Variants in ADK observed in about 807,000 individuals in gnomAD.
ADK encodes the protein adenosine kinase.
ADK carries 24 observed loss-of-function variants against 44.7 expected under a neutral mutation model. That is an observed-to-expected ratio of 0.54 (90% CI 0.39 to 0.76). ADK has a LOEUF of 0.76. Among genes scored for constraint, ADK ranks in the 30% least tolerant of loss-of-function variants. ADK has a pLI of 0.00. For synonymous variants in ADK, 128 were observed against 142.6 expected, an observed-to-expected ratio of 0.90 and a Z score of 0.73; for missense variants, 321 against 425.1, an observed-to-expected ratio of 0.76 and a Z score of 2.15.
rs182394037 is a variant in ADK, at chr10:74,573,283, G to T, written c.727-15999G>T. ...TAGAGGTCCACTCCAGACCCTGTTT[G>T]CCTGGGTATCAGCAGCGGTGGCTGC... On this transcript the variant is annotated intron_variant, in intron 7 of 10. Transcript: ENST00000539909. Among the ~76,000 whole-genome samples the T allele has an allele frequency of 9.6e-3, 1,459 of 152,296 alleles. 17 individuals are homozygous for T. Among genetic ancestry groups the T allele is most frequent in the South Asian group, 0.018 (89 of 4,826 alleles).
intron 9 of ADK, among the ~76,000 whole-genome samples, chr10:74,602,105 CAAAAAAAAAAAAA>C (rs58400071): frequency 6.1e-5 from 3 of 48,788 alleles, no homozygotes; most frequent in Admixed American, 5.6e-4. Context: ...ACCCTGTCTC[CAAAAAAAAAAAAA>C]AAAAAAAAAA....
intron 9 of ADK, among the ~76,000 whole-genome samples, chr10:74,666,589 A>C (rs1361031066): frequency 6.6e-6 from 1 of 152,180 alleles, no homozygotes; most frequent in Non-Finnish European, 1.5e-5. Context: ...TTTTTCTACA[A>C]TTAGTGCAGA....
intron 3 of ADK, among the ~76,000 whole-genome samples, chr10:74,295,357 G>A (rs1839775147): frequency 6.6e-6 from 1 of 151,882 alleles, no homozygotes. Flanking sequence ...AGCTGCTTGG[G>A]AGGCTGAGGT....
chr10:74,473,233 C>T (rs1846675579), intron 6 of ADK, among the ~76,000 whole-genome samples: 1 of 151,864 alleles, frequency 6.6e-6, no homozygotes. Flanking sequence ...GAGAGAGAGC[C>T]ACTGTGCCTG....
chr10:74,575,864 T>A (rs1319831434), intron 7 of ADK, among the ~76,000 whole-genome samples: 1 of 152,132 alleles, frequency 6.6e-6, no homozygotes, highest in Non-Finnish European at 1.5e-5. Context: ...GTTAAGAGAC[T>A]ACAACAATAA....
intron 3 of ADK, among the ~76,000 whole-genome samples, chr10:74,270,001 AAAAT>A (rs1213340813): frequency 1.3e-5 from 2 of 152,202 alleles, no homozygotes; most frequent in Admixed American, 6.5e-5. Flanking sequence ...TCATTTCAAA[AAAAT>A]AAATAAATAA....
At chr10:74,634,913 C>T (rs1339919556) in intron 9 of ADK, among the ~76,000 whole-genome samples, 1 of 152,074 alleles carries the variant, frequency 6.6e-6, no homozygotes, top group Non-Finnish European at 1.5e-5. Flanking sequence ...CCACTGCACT[C>T]CAGCCCAAGT....
intron 6 of ADK, among the ~76,000 whole-genome samples, chr10:74,432,579 GTTCTTTCT>G (rs1432164337): frequency 6.6e-6 from 1 of 152,192 alleles, no homozygotes; most frequent in South Asian, 2.1e-4. Flanking sequence ...TATTGATGTA[GTTCTTTCT>G]TTCTTCATCA....
chr10:74,551,345 A>C (rs1589240329), intron 7 of ADK: 2 of 152,396 alleles, frequency 1.3e-5, no homozygotes, highest in South Asian at 4.1e-4. Flanking sequence ...GGTTAGGCAA[A>C]GCTTTCTTAC....
At chr10:74,514,973 C>T (rs1848505490) in intron 6 of ADK, among the ~76,000 whole-genome samples, 1 of 152,062 alleles carries the variant, frequency 6.6e-6, no homozygotes, top group Non-Finnish European at 1.5e-5. Flanking sequence ...TACAGACACT[C>T]ACCAATATGC....
At chr10:74,223,021 AT>A (rs1421431069) in intron 2 of ADK, among the ~76,000 whole-genome samples, 9 of 152,226 alleles carry the variant, frequency 5.9e-5, no homozygotes, top group Admixed American at 2.0e-4. Flanking sequence ...TAATAAAAAA[AT>A]AAAAATAAAT....
At chr10:74,312,059 G>C (rs1049857686) in intron 3 of ADK, among the ~76,000 whole-genome samples, 9 of 152,130 alleles carry the variant, frequency 5.9e-5, no homozygotes, top group African/African-American at 2.2e-4. Context: ...CCAGCTACTT[G>C]GGAGGCTGAG....
chr10:74,220,967 G>T (rs909638875), intron 2 of ADK, among the ~76,000 whole-genome samples: 3 of 150,588 alleles, frequency 2.0e-5, no homozygotes, highest in African/African-American at 7.4e-5. Context: ...CACAAGACAG[G>T]GATGCCCTCT....
At chr10:74,589,190 A>G in intron 7 of ADK, 92 bp from the exon 8 acceptor site, 1 of 1,146,574 alleles carries the variant, frequency 8.7e-7, no homozygotes. Context: ...ATAATTGTGT[A>G]AAGAAGAAGA....
chr10:74,590,819 AAT>A (rs1463572314), intron 8 of ADK, among the ~76,000 whole-genome samples: 1 of 152,132 alleles, frequency 6.6e-6, no homozygotes, highest in Non-Finnish European at 1.5e-5. Flanking sequence ...TGATCATGAG[AAT>A]ATAAATAAAA....
chr10:74,402,283 G>T (rs1254400603), intron 6 of ADK, among the ~76,000 whole-genome samples: 1 of 152,014 alleles, frequency 6.6e-6, no homozygotes, highest in African/African-American at 2.4e-5. Context: ...TTGAATGTTG[G>T]CCTGCCTTGC....
At chr10:74,427,457 C>G (rs985777720) in intron 6 of ADK, among the ~76,000 whole-genome samples, 7 of 152,170 alleles carry the variant, frequency 4.6e-5, no homozygotes, top group Admixed American at 2.6e-4. Flanking sequence ...CTTGGCTTCC[C>G]AAAGTGCTGG....
At chr10:74,497,899 C>CT (rs1055585817) in intron 6 of ADK, among the ~76,000 whole-genome samples, 9 of 142,822 alleles carry the variant, frequency 6.3e-5, no homozygotes, top group Admixed American at 1.4e-4. Flanking sequence ...TTTTTTTTTT[C>CT]TTTTTTTTGA....
chr10:74,205,918 G>A (rs1044450716), intron 2 of ADK, among the ~76,000 whole-genome samples: 1 of 152,106 alleles, frequency 6.6e-6, no homozygotes, highest in African/African-American at 2.4e-5. Flanking sequence ...ATGCTTATAT[G>A]GGTATATAAC....
Sources: gnomAD v4.1 joint callset for allele counts (sites outside exome capture counted in the v4.1 genomes callset) on GRCh38, gnomAD v4.1.1 for gene constraint, MANE v1.5 for transcripts, NCBI Gene and HGNC (gene_info 2026-07-23, HGNC 2026-07-21) for gene names.